PCDHGA1: variants seen among roughly 807,000 people sequenced by gnomAD.
The protein encoded by PCDHGA1 is protocadherin gamma subfamily A, 1, also known as protocadherin gamma-A1.
PCDHGA1 carries 32 observed loss-of-function variants against 58.0 expected under a neutral mutation model. That is an observed-to-expected ratio of 0.55 (90% CI 0.42 to 0.74). PCDHGA1 has a LOEUF of 0.74. PCDHGA1 is among the 30% of genes least tolerant of loss of function. The pLI, the probability that PCDHGA1 is intolerant of heterozygous loss-of-function variation, is 0.00. For missense variants in PCDHGA1, 1,205 were observed against 1,182.3 expected (o/e 1.02, Z -0.28); for synonymous variants, 498 against 501.1 (o/e 0.99, Z 0.08).
At chr5:141,403,159 A>G (rs778714191) in intron 1 of PCDHGA1, 2 of 1,614,002 alleles carry the variant, frequency 1.2e-6, no homozygotes, top group East Asian at 4.5e-5. Context: ...TCGTCTCTAG[A>G]GGTAGGACGC....
In PCDHGA1 at chr5:141,334,605, A is replaced by C. The variant is rs2149715721; in HGVS notation, c.2421+1500A>C. The stretch of plus-strand genomic sequence containing the variant: ...TGGGCGACAGAGCCACACCCTGTTA[A>C]ATAAATAAATATAATAATAAAAGCT... On this transcript the variant is annotated intron_variant, in intron 1 of 3. Transcript: ENST00000517417. This position sits in a 1 kb window ranked among gnomAD's most constrained non-coding sequence, Gnocchi z 4.6. 1 of 152,358 alleles carries C rather than the reference A, an allele frequency of 6.6e-6. No homozygotes were observed. Among genetic ancestry groups the C allele is most frequent in the East Asian group, 1.9e-4 (1 of 5,184 alleles). The allele number at this position is 152,358 out of a possible 1,614,324, so 9.4% of individuals were successfully genotyped here. A position where few individuals can be genotyped will look rare whatever the true frequency, so the allele number is the denominator to read the frequency against.
chr5:141,366,652 C>G lies in PCDHGA1; in HGVS notation c.2421+33547C>G, dbSNP rs559344872. The G allele has an allele frequency of 1.9e-6, 3 of 1,614,282 alleles. No individual in the cohort carries two copies. In the African/African-American group the frequency reaches 4.0e-5, roughly 22 times the overall value. ...GTCACCTGATCTTTCCCCAGCCCAA[C>G]TACGCAGACACGCTCCTTAGTGAAG... On this transcript the variant is annotated intron_variant, in intron 1 of 3. Transcript: ENST00000517417.
rs370704205 is a variant in PCDHGA1, at chr5:141,422,166, T to C, written c.2422-72641T>C. 4.5e-6 allele frequency: 7 copies of C among 1,569,374 alleles called. No individual in the cohort carries two copies. In the South Asian group the frequency reaches 8.5e-5, roughly 19 times the overall value. ...GGGGGTCTCTGGATTTTGAAAAATA[T>C]AGATTCTATGAGATGGAAATTCAAG... On this transcript the variant is annotated intron_variant, in intron 1 of 3. Coordinates refer to ENST00000517417, the MANE Select transcript of PCDHGA1 (RefSeq NM_018912.3).
chr5:141,356,313 G>T, intron 1 of PCDHGA1: 2 of 1,554,238 alleles, frequency 1.3e-6, no homozygotes, highest in Non-Finnish European at 1.7e-6. Flanking sequence ...TTTTCAACGT[G>T]CATGACAGTG....
intron 1 of PCDHGA1, among the ~76,000 whole-genome samples, chr5:141,459,111 A>G (rs2098961190): frequency 1.3e-5 from 2 of 152,218 alleles, no homozygotes; most frequent in Non-Finnish European, 2.9e-5. Flanking sequence ...CATTTTGACA[A>G]TTGTTTACAT....
chr5:141,408,937 C>T (rs2095198483), intron 1 of PCDHGA1: 5 of 1,613,344 alleles, frequency 3.1e-6, no homozygotes, highest in African/African-American at 1.3e-5. Flanking sequence ...TCAGCAGAGA[C>T]GAATATAGAA....
rs780843098 is a variant in PCDHGA1 at position 141,431,185 on chromosome 5, T to C, written c.2422-63622T>C. On this transcript the variant is annotated intron_variant, in intron 1 of 3. Coordinates refer to ENST00000517417, the MANE Select transcript of PCDHGA1 (RefSeq NM_018912.3). The surrounding 1 kb of genome is among the most constrained non-coding windows in gnomAD (Gnocchi z 4.8). ...GTGAAAGTGAATTAGAAATAAAAAT[T>C]AGTGAAAATGCAGCCACTGAGATGC... The C allele has an allele frequency of 3.1e-6, 5 of 1,613,982 alleles. No homozygotes were observed. The highest frequency in any genetic ancestry group is 4.2e-6 in the Non-Finnish European group (5 of 1,180,016).
chr5:141,345,082 C>A (rs200905776), intron 1 of PCDHGA1: 1 of 1,613,836 alleles, frequency 6.2e-7, no homozygotes, highest in Non-Finnish European at 8.5e-7. Context: ...ATTACAATCA[C>A]GTCTCTCACA....
intron 1 of PCDHGA1, chr5:141,390,278 T>A (rs559321936): frequency 1.9e-6 from 3 of 1,614,028 alleles, no homozygotes; most frequent in Admixed American, 1.7e-5. Flanking sequence ...TGACTTCCCA[T>A]CAGGTGAGTT....
In PCDHGA1 at chr5:141,357,311, T is replaced by C. The variant is rs749963588; in HGVS notation, c.2421+24206T>C. 100 of 1,613,940 alleles carry C rather than the reference T, an allele frequency of 6.2e-5. No individual in the cohort carries two copies. The Middle Eastern group carries it at 2.1e-3, about 34-fold the overall frequency. ...GCAGTGGCCGCTGTCTCCTGCGTCT[T>C]CCTGGCTTTTGTCACGGTGCTGCTA... On this transcript the variant is annotated intron_variant, in intron 1 of 3. Coordinates refer to ENST00000517417, the MANE Select transcript of PCDHGA1 (RefSeq NM_018912.3).
At chr5:141,336,216 C>G (rs531742968) in intron 1 of PCDHGA1, among the ~76,000 whole-genome samples, 1 of 151,968 alleles carries the variant, frequency 6.6e-6, no homozygotes, top group Admixed American at 6.6e-5. Flanking sequence ...TCAAGTCTAA[C>G]GTTAGGACTC....
rs776293224 is a variant in PCDHGA1, at chr5:141,477,889, A to G, written c.2422-16918A>G. Reference sequence around the variant, plus strand: ...GTACCTCAGCTGGCCACCTAGTGTCACGGGTGGTAGGCTGGGACGCGGATG... The same window carrying G: ...GTACCTCAGCTGGCCACCTAGTGTCGCGGGTGGTAGGCTGGGACGCGGATG... On this transcript the variant is annotated intron_variant, in intron 1 of 3. Coordinates refer to ENST00000517417, the MANE Select transcript of PCDHGA1 (RefSeq NM_018912.3). This position sits in a 1 kb window ranked among gnomAD's most constrained non-coding sequence, Gnocchi z 4.9. The G allele has an allele frequency of 1.8e-5, 29 of 1,614,034 alleles. No individual in the cohort carries two copies. Among genetic ancestry groups the G allele is most frequent in the Non-Finnish European group, 2.5e-5 (29 of 1,180,026 alleles).
Position 141,366,189 on chromosome 5 carries a change from G to A in PCDHGA1, c.2421+33084G>A, listed in dbSNP as rs1488464749. ...AGCGAGCCAGGACTCTTTGCGGTTG[G>A]GCTGCACACGGGCGAGGTGCGCACA... On this transcript the variant is annotated intron_variant, in intron 1 of 3. Coordinates refer to ENST00000517417, the MANE Select transcript of PCDHGA1 (RefSeq NM_018912.3). 14 of 1,613,804 alleles carry A rather than the reference G, an allele frequency of 8.7e-6. No homozygotes were observed. In the Middle Eastern group the frequency reaches 9.9e-4, roughly 114 times the overall value.
chr5:141,375,451 C>G (rs1561567898), intron 1 of PCDHGA1: 9 of 1,614,016 alleles, frequency 5.6e-6, no homozygotes, highest in Non-Finnish European at 7.6e-6. Flanking sequence ...CCCATTCATC[C>G]TACTCAGTCT....
chr5:141,345,516 A>C, intron 1 of PCDHGA1: 1 of 1,613,684 alleles, frequency 6.2e-7, no homozygotes, highest in Non-Finnish European at 8.5e-7. Flanking sequence ...GACCGAGGAC[A>C]CTCTCCAGGG....
rs561499055 is a variant in PCDHGA1 at position 141,423,745 on chromosome 5, C to G, written c.2422-71062C>G. 10 of 605,688 alleles carry G rather than the reference C, an allele frequency of 1.7e-5. No individual in the cohort carries two copies. The East Asian group carries it at 3.1e-4, about 19-fold the overall frequency. The allele number at this position is 605,688 out of a possible 1,614,324, so 37.5% of individuals were successfully genotyped here. A position where few individuals can be genotyped will look rare whatever the true frequency, so the allele number is the denominator to read the frequency against. The stretch of plus-strand genomic sequence containing the variant: ...ATGTTTTTTGAGCCTGTTATGAAAA[C>G]TGTTTGGGGGGGGGGTGGGGCGGCA... On this transcript the variant is annotated intron_variant, in intron 1 of 3. Coordinates refer to ENST00000517417, the MANE Select transcript of PCDHGA1 (RefSeq NM_018912.3).
rs867175585 is a variant in PCDHGA1, at chr5:141,376,626, G to A, written c.2421+43521G>A. 71 of 1,155,548 alleles carry A rather than the reference G, an allele frequency of 6.1e-5. 4 individuals carry two copies. In the Middle Eastern group the frequency reaches 4.6e-3, roughly 75 times the overall value. 71.6% of individuals were successfully genotyped at this position (1,155,548 alleles called of 1,614,324 possible). A position where few individuals can be genotyped will look rare whatever the true frequency, so the allele number is the denominator to read the frequency against. Reference sequence around the variant, plus strand: ...AAGCGAACCTCTTTTGGTACAGGAAGATTCGTGATTTTGTAAAGTGGAAGA... The same window carrying A: ...AAGCGAACCTCTTTTGGTACAGGAAAATTCGTGATTTTGTAAAGTGGAAGA... On this transcript the variant is annotated intron_variant, in intron 1 of 3. Transcript: ENST00000517417.
In PCDHGA1 at chr5:141,382,919, G is replaced by A. The variant is rs1467219150; in HGVS notation, c.2421+49814G>A. 14 of 1,559,330 alleles carry A rather than the reference G, an allele frequency of 9.0e-6. No homozygotes were observed. Among genetic ancestry groups the A allele is most frequent in the Non-Finnish European group, 1.1e-5 (13 of 1,152,236 alleles). ...ACGACTATGGCGGCTCAGCCGAGGG[G>A]CGGGGACTACAGAGGATTCTTCCTG... On this transcript the variant is annotated intron_variant, in intron 1 of 3. Coordinates refer to ENST00000517417, the MANE Select transcript of PCDHGA1 (RefSeq NM_018912.3).
At chr5:141,421,926 C>A in intron 1 of PCDHGA1, 1 of 1,613,460 alleles carries the variant, frequency 6.2e-7, no homozygotes, top group Non-Finnish European at 8.5e-7. Flanking sequence ...GTGTGGTGGT[C>A]CTCGATGTAA....
Sources: allele counts gnomAD v4.1 joint callset (sites outside exome capture counted in the v4.1 genomes callset), GRCh38; gene constraint gnomAD v4.1.1; non-coding constraint Gnocchi (gnomAD v3.1); transcripts MANE v1.5; gene names NCBI Gene and HGNC (gene_info 2026-07-23, HGNC 2026-07-21).